NUP153: variants seen among roughly 807,000 people sequenced by gnomAD.
NUP153 encodes nucleoporin 153.
NUP153 carries 27 observed loss-of-function variants against 134.6 expected under a neutral mutation model. The ratio of observed to expected loss-of-function variants is 0.20; its 90% confidence interval spans 0.15 to 0.28. The LOEUF is 0.28. NUP153 is among the 10% of genes least tolerant of loss of function. NUP153 has a pLI of 1.00. For missense variants in NUP153, 1,821 were observed against 1,731.3 expected, an observed-to-expected ratio of 1.05 and a Z score of -0.92; for synonymous variants, 640 against 623.5, an observed-to-expected ratio of 1.03 and a Z score of -0.40.
In NUP153 at chr6:17,649,081, ACT is replaced by A. The variant is rs1008517563; in HGVS notation, c.1533+80_1533+81del. The A allele has an allele frequency of 1.5e-4, 179 of 1,225,746 alleles. 1 individual carries two copies. The highest frequency in any genetic ancestry group is 1.1e-3 in the South Asian group (68 of 61,122). The allele number at this position is 1,225,746 out of a possible 1,614,324, so 75.9% of individuals were successfully genotyped here. ...TTAATTTCCATAATGAAAATTAAAC[ACT>A]GTTTATAATATAGGGTTTTTTTTAA... On this transcript the variant is annotated intron_variant, in intron 12 of 21. Transcript: ENST00000262077.
At chr6:17,681,026 T>A (rs1056215420) in intron 2 of NUP153, among the ~76,000 whole-genome samples, 3 of 151,968 alleles carry the variant, frequency 2.0e-5, no homozygotes, top group Non-Finnish European at 1.5e-5. Context: ...TAAGTATCCA[T>A]CCACAAATGA....
intron 11 of NUP153, among the ~76,000 whole-genome samples, chr6:17,657,634 G>C (rs1766912415): frequency 6.6e-6 from 1 of 152,112 alleles, no homozygotes; most frequent in Non-Finnish European, 1.5e-5. Flanking sequence ...GAAATGAGCA[G>C]TATCTATACA....
chr6:17,696,627 T>C (rs1327248924), intron 1 of NUP153, among the ~76,000 whole-genome samples: 1 of 151,964 alleles, frequency 6.6e-6, no homozygotes, highest in African/African-American at 2.4e-5. Flanking sequence ...TGGTGGTGGA[T>C]GCCTGTAGTC....
At position 17,632,846 on chromosome 6, in the gene NUP153, TAAAAA is replaced by T; in HGVS notation, c.2465-7_2465-3del. On this transcript the variant is annotated splice_polypyrimidine_tract_variant and splice_region_variant and intron_variant, in intron 16 of 21. Coordinates refer to ENST00000262077, the MANE Select transcript of NUP153 (RefSeq NM_005124.4). ...TACTTGAAGCAGGTACTGAACTTCC[TAAAAA>T]AAAAAAAAAAAACGGGGAGTGGGGG... 41 of 864,164 alleles carry T rather than the reference TAAAAA, an allele frequency of 4.7e-5. No individual in the cohort carries two copies. The highest frequency in any genetic ancestry group is 9.6e-5 in the South Asian group (4 of 41,466). 53.5% of individuals were successfully genotyped at this position (864,164 alleles called of 1,614,324 possible).
chr6:17,687,791 G>C (rs1769024818), intron 2 of NUP153, among the ~76,000 whole-genome samples: 1 of 152,084 alleles, frequency 6.6e-6, no homozygotes, highest in African/African-American at 2.4e-5. Flanking sequence ...GATAAATTGG[G>C]CTTCATCGAA....
At chr6:17,670,577 C>T (rs1369269612) in intron 5 of NUP153, among the ~76,000 whole-genome samples, 1 of 152,184 alleles carries the variant, frequency 6.6e-6, no homozygotes, top group Non-Finnish European at 1.5e-5. Context: ...TGATGTTAAA[C>T]AGTAGCAGTG....
chr6:17,624,299 A>C (rs933950522), intron 20 of NUP153, among the ~76,000 whole-genome samples: 1 of 152,216 alleles, frequency 6.6e-6, no homozygotes, highest in Non-Finnish European at 1.5e-5. Flanking sequence ...AAAGTTGAGA[A>C]GAAATGAGAG....
rs869056088 is a variant in NUP153 at position 17,677,720 on chromosome 6, AT to A, written c.335-1951del. On this transcript the variant is annotated intron_variant, in intron 2 of 21. Coordinates refer to ENST00000262077, the MANE Select transcript of NUP153 (RefSeq NM_005124.4). Reference sequence around the variant, plus strand: ...TGTCACACACTTGTTAAAGTACATAATTTTTTTTTTCCTTTTTTTTTTTTTT... The same window carrying A: ...TGTCACACACTTGTTAAAGTACATAATTTTTTTTTCCTTTTTTTTTTTTTT... Among the ~76,000 whole-genome samples, 891 of 127,518 alleles carry A rather than the reference AT, an allele frequency of 7.0e-3. 3 individuals are homozygous for A. Among genetic ancestry groups the A allele is most frequent in the African/African-American group, 0.023 (788 of 34,530 alleles). 83.7% of individuals were successfully genotyped at this position (127,518 alleles called of 152,430 possible).
At chr6:17,703,374 C>T (rs1770252534) in intron 1 of NUP153, among the ~76,000 whole-genome samples, 1 of 152,136 alleles carries the variant, frequency 6.6e-6, no homozygotes, top group Admixed American at 6.6e-5. Context: ...CTGACAGGCA[C>T]TGGCAAACAT....
chr6:17,646,457 C>T (rs1209437098), intron 13 of NUP153, among the ~76,000 whole-genome samples: 5 of 152,314 alleles, frequency 3.3e-5, no homozygotes, highest in African/African-American at 4.8e-5. Flanking sequence ...CCGCCCGCCT[C>T]GGCCTCCCAA....
chr6:17,689,149 A>G (rs1329246319), intron 1 of NUP153, among the ~76,000 whole-genome samples: 1 of 151,928 alleles, frequency 6.6e-6, no homozygotes, highest in Non-Finnish European at 1.5e-5. Flanking sequence ...ACTTTGGGGG[A>G]CTGAGGTGGG....
At chr6:17,621,359 T>C (rs1307820098) in intron 20 of NUP153, among the ~76,000 whole-genome samples, 1 of 152,210 alleles carries the variant, frequency 6.6e-6, no homozygotes, top group East Asian at 1.9e-4. Flanking sequence ...ACTGGCTATT[T>C]ATCCAAAGGA....
intron 13 of NUP153, among the ~76,000 whole-genome samples, chr6:17,647,046 C>T (rs1227891591): frequency 2.0e-5 from 3 of 151,856 alleles, no homozygotes; most frequent in East Asian, 3.9e-4. Flanking sequence ...CATGAGCCAC[C>T]GTGCCCGGCC....
chr6:17,636,457 A>G (rs1008741168), intron 16 of NUP153, among the ~76,000 whole-genome samples: 2 of 152,210 alleles, frequency 1.3e-5, no homozygotes, highest in Non-Finnish European at 2.9e-5. Flanking sequence ...TCAGAGCTGT[A>G]CATTACAGAC....
At chr6:17,705,178 T>C (rs959143440) in intron 1 of NUP153, among the ~76,000 whole-genome samples, 14 of 152,250 alleles carry the variant, frequency 9.2e-5, no homozygotes, top group Non-Finnish European at 1.3e-4. Context: ...CCTTTAACAG[T>C]AGGCAACAAG....
chr6:17,670,185 C>T (rs1447111188), intron 5 of NUP153, among the ~76,000 whole-genome samples: 3 of 151,620 alleles, frequency 2.0e-5, no homozygotes, highest in East Asian at 1.9e-4. Context: ...CTGTTAACCC[C>T]TTCGGTAATA....
intron 11 of NUP153, among the ~76,000 whole-genome samples, chr6:17,653,056 C>A (rs964693554): frequency 2.6e-5 from 4 of 152,038 alleles, no homozygotes; most frequent in African/African-American, 9.7e-5. Context: ...AGTTTGAGAC[C>A]AGCCTGGGCA....
chr6:17,646,925 T>TC (rs1252248390), intron 13 of NUP153, among the ~76,000 whole-genome samples: 1 of 149,776 alleles, frequency 6.7e-6, no homozygotes, highest in Non-Finnish European at 1.5e-5. Flanking sequence ...TTTCTTTTTT[T>TC]TTTTTTTTTT....
chr6:17,704,223 C>T (rs1488350983), intron 1 of NUP153, among the ~76,000 whole-genome samples: 1 of 150,518 alleles, frequency 6.6e-6, no homozygotes, highest in South Asian at 2.1e-4. Context: ...ACCCGGGAGG[C>T]GGAGCTTGCA....
Sources: allele counts gnomAD v4.1 joint callset (sites outside exome capture counted in the v4.1 genomes callset), GRCh38; gene constraint gnomAD v4.1.1; transcripts MANE v1.5; gene names NCBI Gene and HGNC (gene_info 2026-07-23, HGNC 2026-07-21).